DIS3L2: variants seen among roughly 807,000 people sequenced by gnomAD.
The protein encoded by DIS3L2 is DIS3 like 3'-5' exoribonuclease 2.
In DIS3L2, 34 loss-of-function variants were observed where a neutral mutation model predicts 97.5. The ratio of observed to expected loss-of-function variants is 0.35; its 90% CI spans 0.27 to 0.46. The LOEUF is 0.46. DIS3L2 is among the 20% of genes least tolerant of loss of function. The pLI is 1.00. For synonymous variants in DIS3L2, 435 were observed against 445.2 expected, an observed-to-expected ratio of 0.98 and a Z score of 0.29; for missense variants, 1,038 against 1,146.0, an observed-to-expected ratio of 0.91 and a Z score of 1.36.
chr2:232,072,829 T>A (rs1427287018), intron 5 of DIS3L2, among the ~76,000 whole-genome samples: 1 of 149,594 alleles, frequency 6.7e-6, no homozygotes, highest in East Asian at 2.0e-4. Flanking sequence ...TTGCTGTGTG[T>A]TTGAGAGAAG....
At chr2:232,296,987 A>C (rs73995209) in intron 13 of DIS3L2, among the ~76,000 whole-genome samples, 2,234 of 152,288 alleles carry the variant, frequency 0.015, 56 homozygotes, top group African/African-American at 0.05. Flanking sequence ...ATGACTAAGG[A>C]CTAAGTGCTG....
chr2:232,129,319 T>G (rs530134736), intron 6 of DIS3L2, among the ~76,000 whole-genome samples: 1 of 152,240 alleles, frequency 6.6e-6, no homozygotes, highest in African/African-American at 2.4e-5. Context: ...GCAGAGCACA[T>G]TGGTGAGGTA....
chr2:232,071,293 A>G (rs1264153752), intron 5 of DIS3L2, among the ~76,000 whole-genome samples: 1 of 152,036 alleles, frequency 6.6e-6, no homozygotes, highest in Non-Finnish European at 1.5e-5. Flanking sequence ...AGGCTGAGGC[A>G]GGAGGATCTT....
At chr2:232,082,176 T>C (rs1051742541) in intron 5 of DIS3L2, among the ~76,000 whole-genome samples, 5 of 152,190 alleles carry the variant, frequency 3.3e-5, no homozygotes, top group African/African-American at 1.2e-4. Flanking sequence ...AATGATCTTT[T>C]CCCCCCATAC....
Position 232,195,661 on chromosome 2 carries a change from A to G in DIS3L2, c.1125-14665A>G, listed in dbSNP as rs189474131. ...GAGATGGTGTCTTGCTGTGTTGCCT[A>G]GGCTGGTCTGGAATTCCTGGGCTCA... On this transcript the variant is annotated intron_variant, in intron 9 of 20. Coordinates refer to ENST00000325385, the MANE Select transcript of DIS3L2 (RefSeq NM_152383.5). 1.7e-4 allele frequency among the ~76,000 whole-genome samples: 26 copies of G among 152,100 alleles called. No homozygotes were observed. In the East Asian group the frequency reaches 4.6e-3, roughly 27 times the overall value.
At chr2:232,086,141 T>C (rs1383332488) in intron 5 of DIS3L2, among the ~76,000 whole-genome samples, 1 of 151,474 alleles carries the variant, frequency 6.6e-6, no homozygotes, top group Non-Finnish European at 1.5e-5. Flanking sequence ...GTAGTGTAAA[T>C]GTCCATCAGT....
intron 14 of DIS3L2, 26 bp from the exon 15 acceptor site, chr2:232,329,787 C>CCGGG: frequency 5.6e-6 from 6 of 1,062,204 alleles, no homozygotes; most frequent in African/African-American, 1.6e-5. Flanking sequence ...CCCAGCGGTC[C>CCGGG]CTCCCATCCC....
intron 8 of DIS3L2, among the ~76,000 whole-genome samples, chr2:232,162,785 G>T (rs1003157079): frequency 6.6e-6 from 1 of 152,210 alleles, no homozygotes; most frequent in Non-Finnish European, 1.5e-5. Flanking sequence ...CAATGCTTAT[G>T]AGAATAGAGA....
intron 13 of DIS3L2, among the ~76,000 whole-genome samples, chr2:232,283,571 C>A (rs959767894): frequency 1.1e-4 from 16 of 152,132 alleles, no homozygotes; most frequent in African/African-American, 3.9e-4. Flanking sequence ...TAGGCCCAGT[C>A]TATTTCTTAT....
chr2:232,276,549 G>A lies in DIS3L2; in HGVS notation c.1659+13109G>A, dbSNP rs1172264997. ...TCTGTCCTGTTTGCCCAGAGGCCTCGCTCAGACTTGTTCCTTTTTGGTACA... is the reference window on the plus strand; with the variant it reads ...TCTGTCCTGTTTGCCCAGAGGCCTCACTCAGACTTGTTCCTTTTTGGTACA... On this transcript the variant is annotated intron_variant, in intron 13 of 20. Transcript: ENST00000325385. This position sits in a 1 kb window ranked among gnomAD's most constrained non-coding sequence, Gnocchi z 4.4. 3.3e-5 allele frequency among the ~76,000 whole-genome samples: 5 copies of A among 152,178 alleles called. No individual in the cohort carries two copies. Among genetic ancestry groups the A allele is most frequent in the South Asian group, 2.1e-4 (1 of 4,824 alleles).
chr2:232,014,868 C>CT lies in DIS3L2; in HGVS notation c.-59dup. 2 of 1,582,004 alleles carry CT rather than the reference C, an allele frequency of 1.3e-6. No individual in the cohort carries two copies. The highest frequency in any genetic ancestry group is 1.7e-6 in the Non-Finnish European group (2 of 1,155,026). Reference sequence around the variant, plus strand: ...AACAGAGCTGCTCAAGGCGGGAACTCTGAGCTAAGCAGTGGAGGTTTCTCT... The same window carrying CT: ...AACAGAGCTGCTCAAGGCGGGAACTCTTGAGCTAAGCAGTGGAGGTTTCTCT... On this transcript the variant is annotated 5_prime_UTR_variant, in exon 2 of 21. It removes the in-frame stop codon of an upstream open reading frame in the 5' UTR. Coordinates refer to ENST00000325385, the MANE Select transcript of DIS3L2 (RefSeq NM_152383.5).
chr2:232,118,945 C>T (rs1319871724), intron 6 of DIS3L2, among the ~76,000 whole-genome samples: 2 of 152,180 alleles, frequency 1.3e-5, no homozygotes, highest in African/African-American at 4.8e-5. Context: ...ATTTATTCTC[C>T]TTTAATCTAT....
intron 6 of DIS3L2, among the ~76,000 whole-genome samples, chr2:232,109,390 G>A (rs562013435): frequency 3.9e-5 from 6 of 152,158 alleles, no homozygotes; most frequent in East Asian, 3.9e-4. Flanking sequence ...GCAGGGAGCC[G>A]AGATTGCACC....
Position 232,137,187 on chromosome 2 carries a change from T to TA in DIS3L2, c.950+473dup, listed in dbSNP as rs561922443. Among the ~76,000 whole-genome samples the TA allele has an allele frequency of 2.2e-3, 332 of 152,340 alleles. 2 individuals carry two copies. The highest frequency in any genetic ancestry group is 5.0e-3 in the South Asian group (24 of 4,818). On this transcript the variant is annotated intron_variant, in intron 8 of 20. Coordinates refer to ENST00000325385, the MANE Select transcript of DIS3L2 (RefSeq NM_152383.5). The stretch of plus-strand genomic sequence containing the variant: ...TCGGTATTGATTTTGCCTGTGGCAT[T>TA]AAAAACTACCCTATTGTAAGAAGGA...
intron 1 of DIS3L2, among the ~76,000 whole-genome samples, chr2:231,970,270 G>A (rs532051770): frequency 6.6e-6 from 1 of 152,272 alleles, no homozygotes; most frequent in South Asian, 2.1e-4. Context: ...TTAATATGGT[G>A]AAATATCGCA....
At chr2:232,278,716 G>T (rs1323151814) in intron 13 of DIS3L2, among the ~76,000 whole-genome samples, 3 of 152,164 alleles carry the variant, frequency 2.0e-5, no homozygotes, top group African/African-American at 7.2e-5. Flanking sequence ...CCACTTACCA[G>T]TTGAAGAATA....
chr2:232,199,249 G>A (rs1691831922), intron 9 of DIS3L2, among the ~76,000 whole-genome samples: 1 of 152,162 alleles, frequency 6.6e-6, no homozygotes, highest in Admixed American at 6.5e-5. Flanking sequence ...GAAAAGAAAG[G>A]AATGGGCATA....
In DIS3L2 at chr2:232,136,607, G is replaced by C. The variant is rs924879950; in HGVS notation, c.838G>C (p.Val280Leu). The C allele has an allele frequency of 6.2e-7, 1 of 1,613,938 alleles. No individual in the cohort carries two copies. Among genetic ancestry groups the C allele is most frequent in the Admixed American group, 1.7e-5 (1 of 60,006 alleles). ...AGACCACCGAGTGCCTAGAATTTAT[G>C]TGCCTCTCAAGGACTGTCCCCAGGA... is the stretch of plus-strand genomic sequence containing the variant. The part of the protein sequence containing the change: ...PSDHRVPRIY[V>L]PLKDCPQDFV... Residue 280 changes from valine (V) to leucine (L), a missense_variant, in exon 8 of 21, where the codon GTG becomes CTG. Physicochemically the swap from Val to Leu is conservative, Grantham distance 32 (BLOSUM62 1). This residue lies in a region of DIS3L2 where 813 missense variants were observed against 880.1 expected (regional missense o/e 0.92). Transcript: ENST00000325385.
intron 4 of DIS3L2, among the ~76,000 whole-genome samples, chr2:232,028,039 C>G (rs1312428651): frequency 6.6e-6 from 1 of 151,998 alleles, no homozygotes; most frequent in Non-Finnish European, 1.5e-5. Flanking sequence ...TAGGAGGCAC[C>G]CTTTGTACAG....
Sources: gnomAD v4.1 joint callset for allele counts (sites outside exome capture counted in the v4.1 genomes callset) on GRCh38, gnomAD v4.1.1 for gene constraint, gnomAD v4.1.1 regional missense constraint, Gnocchi (gnomAD v3.1) non-coding constraint, MANE v1.5 for transcripts, NCBI Gene and HGNC (gene_info 2026-07-23, HGNC 2026-07-21) for gene names.